Variants in MACROD2 observed in about 807,000 individuals in gnomAD.
The protein encoded by MACROD2 is ADP-ribose glycohydrolase MACROD2.
Under a neutral mutation model 70.4 loss-of-function variants are expected in MACROD2, and 36 were observed. The ratio of observed to expected loss-of-function variants is 0.51; its 90% CI spans 0.39 to 0.68. The LOEUF (loss-of-function observed/expected upper bound fraction) is 0.68. Ranked by LOEUF, MACROD2 falls within the 30% of genes least tolerant of loss-of-function variation. The pLI is 0.00. For synonymous variants in MACROD2, 172 were observed against 178.8 expected (o/e 0.96, Z 0.30); for missense variants, 496 against 538.4 (o/e 0.92, Z 0.78).
At chr20:14,698,708 GTGAA>G (rs2071155317) in intron 5 of MACROD2, among the ~76,000 whole-genome samples, 1 of 150,648 alleles carries the variant, frequency 6.6e-6, no homozygotes, top group African/African-American at 2.4e-5. Context: ...AAAACCACCT[GTGAA>G]TGAGCAAATA....
intron 8 of MACROD2, among the ~76,000 whole-genome samples, chr20:15,531,573 C>T (rs924913836): frequency 1.3e-5 from 2 of 152,054 alleles, no homozygotes; most frequent in Non-Finnish European, 2.9e-5. Flanking sequence ...ACTTTTATTT[C>T]TGTACCACAT....
chr20:15,343,915 A>G (rs1360634933), intron 6 of MACROD2, among the ~76,000 whole-genome samples: 1 of 152,182 alleles, frequency 6.6e-6, no homozygotes, highest in African/African-American at 2.4e-5. Flanking sequence ...TACAGTCTAC[A>G]TATCTCCTTT....
intron 5 of MACROD2, among the ~76,000 whole-genome samples, chr20:14,858,246 C>T (rs1376883558): frequency 6.6e-6 from 1 of 152,200 alleles, no homozygotes; most frequent in East Asian, 1.9e-4. Context: ...GATAAATACG[C>T]CCCAAGGGTG....
chr20:14,800,261 G>A (rs1012752950), intron 5 of MACROD2, among the ~76,000 whole-genome samples: 2 of 151,932 alleles, frequency 1.3e-5, no homozygotes, highest in African/African-American at 4.8e-5. Flanking sequence ...AGTCCAAAAG[G>A]AATTCTATGT....
At chr20:14,021,665 G>T (rs1477012292) in intron 2 of MACROD2, among the ~76,000 whole-genome samples, 1 of 152,142 alleles carries the variant, frequency 6.6e-6, no homozygotes, top group East Asian at 1.9e-4. Flanking sequence ...TTTATAATGT[G>T]AAAAGCAACT....
intron 7 of MACROD2, among the ~76,000 whole-genome samples, chr20:15,486,202 G>T (rs1253145099): frequency 1.3e-5 from 2 of 152,078 alleles, no homozygotes; most frequent in Non-Finnish European, 2.9e-5. Flanking sequence ...AGTTCCAGGG[G>T]CAGAGAGGGG....
chr20:15,320,143 G>T (rs1301976535), intron 6 of MACROD2, among the ~76,000 whole-genome samples: 1 of 152,158 alleles, frequency 6.6e-6, no homozygotes, highest in African/African-American at 2.4e-5. Context: ...GGTGGAGGTT[G>T]CGGTGAGCCA....
At chr20:15,064,849 G>T (rs748729835) in intron 5 of MACROD2, among the ~76,000 whole-genome samples, 5 of 152,214 alleles carry the variant, frequency 3.3e-5, no homozygotes, top group Non-Finnish European at 7.3e-5. Flanking sequence ...CAAGAGAGTG[G>T]TCGTGGCATA....
chr20:15,500,693 G>A (rs188827600), intron 8 of MACROD2, among the ~76,000 whole-genome samples: 39 of 152,266 alleles, frequency 2.6e-4, no homozygotes, highest in African/African-American at 9.4e-4. Flanking sequence ...GAAATAATTA[G>A]ATATGGAAAC....
At chr20:15,188,434 C>T (rs2076547779) in intron 5 of MACROD2, among the ~76,000 whole-genome samples, 1 of 152,176 alleles carries the variant, frequency 6.6e-6, no homozygotes, top group Non-Finnish European at 1.5e-5. Flanking sequence ...TTAGGGTTAG[C>T]CGATTCTAAT....
intron 3 of MACROD2, among the ~76,000 whole-genome samples, chr20:14,216,642 G>A (rs1601359376): frequency 6.6e-6 from 1 of 152,210 alleles, no homozygotes; most frequent in East Asian, 1.9e-4. Flanking sequence ...CATGAGCATG[G>A]GATGTGTTTC....
chr20:14,990,515 CTT>C (rs541686087), intron 5 of MACROD2, among the ~76,000 whole-genome samples: 13 of 129,314 alleles, frequency 1.0e-4, no homozygotes, highest in Middle Eastern at 4.2e-3. Context: ...TTTTCTTTTT[CTT>C]TTTTTTTTTT....
chr20:14,268,544 C>T (rs2082163521), intron 3 of MACROD2, among the ~76,000 whole-genome samples: 1 of 151,950 alleles, frequency 6.6e-6, no homozygotes, highest in South Asian at 2.1e-4. Context: ...TTTCCTTTTT[C>T]CAGGAAAATT....
chr20:14,934,211 A>G (rs2074320858), intron 5 of MACROD2, among the ~76,000 whole-genome samples: 1 of 152,186 alleles, frequency 6.6e-6, no homozygotes, highest in Non-Finnish European at 1.5e-5. Flanking sequence ...CTTCCAGGAT[A>G]TCAATGTTTC....
chr20:15,617,361 G>A (rs1600672739), intron 8 of MACROD2, among the ~76,000 whole-genome samples: 1 of 152,262 alleles, frequency 6.6e-6, no homozygotes, highest in East Asian at 1.9e-4. Context: ...TTCCAGGATA[G>A]CCAAGGAGGA....
chr20:15,998,902 A>G (rs969884801), intron 15 of MACROD2, among the ~76,000 whole-genome samples: 2 of 151,758 alleles, frequency 1.3e-5, no homozygotes, highest in African/African-American at 4.8e-5. Context: ...AAGTTTGTAA[A>G]TTTTGTTAAT....
rs1195579615 is a variant in MACROD2, at chr20:15,669,419, G to A, written c.645+169572G>A. Among the ~76,000 whole-genome samples the A allele has an allele frequency of 2.6e-5, 4 of 152,178 alleles. No homozygotes were observed. In the Middle Eastern group the frequency reaches 0.01, roughly 388 times the overall value. On this transcript the variant is annotated intron_variant, in intron 8 of 17. Coordinates refer to ENST00000684519, the MANE Select transcript of MACROD2 (RefSeq NM_001351661.2). ...ATTTTCACTGGGTTTAAACTGAGCC[G>A]ACTTATGTACCCTGGTTCTTTCCTA...
At chr20:14,804,523 G>A (rs1600679870) in intron 5 of MACROD2, among the ~76,000 whole-genome samples, 1 of 152,060 alleles carries the variant, frequency 6.6e-6, no homozygotes, top group Non-Finnish European at 1.5e-5. Flanking sequence ...CAACAACATA[G>A]GTCCATGGAA....
At chr20:14,421,700 A>C (rs1054626056) in intron 3 of MACROD2, among the ~76,000 whole-genome samples, 1 of 152,106 alleles carries the variant, frequency 6.6e-6, no homozygotes, top group Admixed American at 6.5e-5. Flanking sequence ...CCATATACTT[A>C]TGAATTTTCC....
Sources: allele counts gnomAD v4.1 joint callset (sites outside exome capture counted in the v4.1 genomes callset), GRCh38; gene constraint gnomAD v4.1.1; transcripts MANE v1.5; gene names NCBI Gene and HGNC (gene_info 2026-07-23, HGNC 2026-07-21).